MYO16: variants seen among roughly 807,000 people sequenced by gnomAD.
The protein encoded by MYO16 is myosin XVI, also known as unconventional myosin-XVI.
A neutral mutation model predicts 205.3 loss-of-function variants in MYO16; 94 were observed. That is an observed-to-expected ratio of 0.46 (90% confidence interval 0.39 to 0.54). The LOEUF (loss-of-function observed/expected upper bound fraction) is 0.54. Among genes scored for constraint, MYO16 ranks in the 20% least tolerant of loss-of-function variants. The probability of loss-of-function intolerance (pLI) is 0.00; values close to 1 mark genes in which losing one functional copy is unlikely to be tolerated. For missense variants in MYO16, 2,315 were observed against 2,387.5 expected, an observed-to-expected ratio of 0.97 and a Z score of 0.63; for synonymous variants, 988 against 954.0, an observed-to-expected ratio of 1.04 and a Z score of -0.66.
intron 16 of MYO16, among the ~76,000 whole-genome samples, chr13:108,953,497 AT>A: frequency 6.6e-6 from 1 of 152,090 alleles, no homozygotes; most frequent in African/African-American, 2.4e-5. Flanking sequence ...GAAATGGAGA[AT>A]TTTTAAACCT....
intron 9 of MYO16, among the ~76,000 whole-genome samples, chr13:108,828,764 T>C (rs889356856): frequency 1.3e-5 from 2 of 152,176 alleles, no homozygotes; most frequent in African/African-American, 4.8e-5. Context: ...TTGATGCCTA[T>C]GTGACGAGAC....
At chr13:109,022,347 CAAAT>C (rs1420733061) in intron 23 of MYO16, among the ~76,000 whole-genome samples, 1 of 42,644 alleles carries the variant, frequency 2.3e-5, no homozygotes, top group Non-Finnish European at 4.3e-5. Flanking sequence ...ATATTATATA[CAAAT>C]ATATATGTAT....
intron 27 of MYO16, among the ~76,000 whole-genome samples, chr13:109,088,529 G>C (rs1345236907): frequency 6.6e-6 from 1 of 152,286 alleles, no homozygotes; most frequent in East Asian, 1.9e-4. Flanking sequence ...AATCCCAGGA[G>C]CTGAAGCATA....
At chr13:109,034,521 T>C (rs1405922407) in intron 23 of MYO16, among the ~76,000 whole-genome samples, 1 of 152,178 alleles carries the variant, frequency 6.6e-6, no homozygotes, top group Non-Finnish European at 1.5e-5. Context: ...CCCTGAGGCC[T>C]CCCTAGCCAT....
chr13:108,602,747 A>C (rs547528989), intron 1 of MYO16, among the ~76,000 whole-genome samples: 1 of 152,274 alleles, frequency 6.6e-6, no homozygotes, highest in Non-Finnish European at 1.5e-5. Flanking sequence ...ATAGTTCCAT[A>C]TTTGTAGAAG....
At chr13:109,139,805 G>A (rs1876952245) in intron 31 of MYO16, among the ~76,000 whole-genome samples, 2 of 151,288 alleles carry the variant, frequency 1.3e-5, no homozygotes, top group Non-Finnish European at 3.0e-5. Flanking sequence ...AACACAAGTA[G>A]TTTAGGTCGG....
At chr13:109,065,792 C>T (rs748039242) in intron 27 of MYO16, among the ~76,000 whole-genome samples, 7 of 152,118 alleles carry the variant, frequency 4.6e-5, no homozygotes, top group South Asian at 2.1e-4. Context: ...ACTCCAGATC[C>T]GGGGTAGCAA....
chr13:109,170,142 A>C (rs1328748508), intron 33 of MYO16, among the ~76,000 whole-genome samples: 1 of 144,762 alleles, frequency 6.9e-6, no homozygotes, highest in Non-Finnish European at 1.5e-5. Flanking sequence ...AAAAAAAAAA[A>C]CATAAATAGG....
At chr13:108,917,489 A>G (rs1881547054) in intron 16 of MYO16, among the ~76,000 whole-genome samples, 2 of 152,248 alleles carry the variant, frequency 1.3e-5, no homozygotes. Context: ...CCAGTTATTC[A>G]GCACTCTCTA....
At chr13:108,750,023 C>T (rs1259150063) in intron 4 of MYO16, among the ~76,000 whole-genome samples, 1 of 151,842 alleles carries the variant, frequency 6.6e-6, no homozygotes, top group Non-Finnish European at 1.5e-5. Context: ...TGAAAGAAGC[C>T]AGTTTTAAAA....
intron 4 of MYO16, among the ~76,000 whole-genome samples, chr13:108,739,701 A>G (rs1037137693): frequency 1.3e-5 from 2 of 152,194 alleles, no homozygotes; most frequent in Non-Finnish European, 2.9e-5. Flanking sequence ...AGGTTGGGGA[A>G]GTTCTTCTGG....
intron 27 of MYO16, among the ~76,000 whole-genome samples, chr13:109,100,515 A>G (rs1018548517): frequency 6.6e-6 from 1 of 152,228 alleles, no homozygotes; most frequent in African/African-American, 2.4e-5. Flanking sequence ...CTTTGGTTAA[A>G]TGGTTTGAAG....
At chr13:108,964,675 G>A (rs556527099) in intron 19 of MYO16, 86 bp from the exon 20 acceptor site, 1 of 1,369,898 alleles carries the variant, frequency 7.3e-7, no homozygotes, top group African/African-American at 1.4e-5. Context: ...GATGTGTGGG[G>A]AATTAATAGG....
intron 16 of MYO16, among the ~76,000 whole-genome samples, chr13:108,943,296 T>C (rs953827899): frequency 2.0e-5 from 3 of 152,206 alleles, no homozygotes; most frequent in Non-Finnish European, 4.4e-5. Flanking sequence ...ATCCTTATTA[T>C]ATACAGTTGT....
chr13:108,541,960 G>C, the MYO16 span, among the ~76,000 whole-genome samples: 2 of 152,020 alleles, frequency 1.3e-5, no homozygotes, highest in African/African-American at 2.4e-5. Context: ...CCCACTGCTG[G>C]GTATTTACTC....
chr13:108,603,078 G>A (rs1878823905), intron 1 of MYO16, among the ~76,000 whole-genome samples: 1 of 152,054 alleles, frequency 6.6e-6, no homozygotes, highest in African/African-American at 2.4e-5. Context: ...GAATTATGAG[G>A]GATTTGCTCT....
At chr13:108,858,164 T>C (rs1281936680) in intron 11 of MYO16, among the ~76,000 whole-genome samples, 5 of 152,200 alleles carry the variant, frequency 3.3e-5, no homozygotes, top group African/African-American at 9.6e-5. Flanking sequence ...AAATAAGTGT[T>C]TTTACAGAAA....
intron 3 of MYO16, 52 bp downstream of exon 3, chr13:108,712,783 A>G: frequency 7.0e-7 from 1 of 1,433,700 alleles, no homozygotes; most frequent in Non-Finnish European, 9.5e-7. Context: ...GGGGGAGAGT[A>G]CATTACAGGT....
chr13:108,957,395 A>AAAAC (rs1555317160), intron 16 of MYO16, among the ~76,000 whole-genome samples: 1 of 151,122 alleles, frequency 6.6e-6, no homozygotes, highest in African/African-American at 2.4e-5. Flanking sequence ...AAAAAAAAAA[A>AAAAC]AAAAAACAAA....
Sources: gnomAD v4.1 joint callset for allele counts (sites outside exome capture counted in the v4.1 genomes callset) on GRCh38, gnomAD v4.1.1 for gene constraint, MANE v1.5 for transcripts, NCBI Gene and HGNC (gene_info 2026-07-23, HGNC 2026-07-21) for gene names.